The following BRSK1 variants were observed in gnomAD, a reference collection of about 807,000 sequenced individuals.
BRSK1 encodes the protein BR serine/threonine kinase 1, also known as serine/threonine-protein kinase BRSK1.
A neutral mutation model predicts 86.2 loss-of-function variants in BRSK1; 17 were observed. The ratio of observed to expected loss-of-function variants is 0.20; its 90% CI spans 0.14 to 0.30. The LOEUF (loss-of-function observed/expected upper bound fraction) is 0.30. Ranked by LOEUF, BRSK1 falls within the 10% of genes least tolerant of loss-of-function variation. The pLI is 1.00. For missense variants in BRSK1, 719 were observed against 1,071.9 expected, an observed-to-expected ratio of 0.67 and a Z score of 4.60; for synonymous variants, 464 against 440.1, an observed-to-expected ratio of 1.05 and a Z score of -0.68.
intron 17 of BRSK1, among the ~76,000 whole-genome samples, chr19:55,308,081 C>T (rs1192054208): frequency 6.8e-6 from 1 of 147,130 alleles, no homozygotes; most frequent in African/African-American, 2.5e-5. Flanking sequence ...AGTGCAATGG[C>T]GTGATCTGGG....
Position 55,306,199 on chromosome 19 carries a change from G to A in BRSK1, c.1891-53G>A. The stretch of plus-strand genomic sequence containing the variant: ...TTCCTTGGCCAGAGCTGGTCGTGGG[G>A]CTGGGTATCCATTTCCTGGGCTCAC... On this transcript the variant is annotated intron_variant, in intron 16 of 18. Transcript: ENST00000309383. This position sits in a 1 kb window ranked among gnomAD's most constrained non-coding sequence, Gnocchi z 4.7. 1.3e-6 allele frequency: 2 copies of A among 1,587,088 alleles called. No individual in the cohort carries two copies. Among genetic ancestry groups the A allele is most frequent in the South Asian group, 2.2e-5 (2 of 89,942 alleles).
chr19:55,284,297 C>T lies in BRSK1; in HGVS notation c.-146C>T. On this transcript the variant is annotated 5_prime_UTR_variant, in exon 1 of 19. Coordinates refer to ENST00000309383, the MANE Select transcript of BRSK1 (RefSeq NM_032430.2). ...CCGCGGCCCGCCGACTGGGGGGGGCCAGCCCAGCCCCCTGGGGACCCCCGG... is the reference window on the plus strand; with the variant it reads ...CCGCGGCCCGCCGACTGGGGGGGGCTAGCCCAGCCCCCTGGGGACCCCCGG... The T allele has an allele frequency of 1.5e-6, 1 of 658,810 alleles. No homozygotes were observed. Among genetic ancestry groups the T allele is most frequent in the Non-Finnish European group, 2.1e-6 (1 of 467,716 alleles). The allele number at this position is 658,810 out of a possible 1,614,324, so 40.8% of individuals were successfully genotyped here. A position where few individuals can be genotyped will look rare whatever the true frequency, so the allele number is the denominator to read the frequency against.
chr19:55,294,895 G>A lies in BRSK1; in HGVS notation c.678+498G>A, dbSNP rs541903242. 1.3e-4 allele frequency among the ~76,000 whole-genome samples: 20 copies of A among 150,762 alleles called. No homozygotes were observed. The highest frequency in any genetic ancestry group is 3.3e-4 in the Admixed American group (5 of 15,142). On this transcript the variant is annotated intron_variant, in intron 7 of 18. Coordinates refer to ENST00000309383, the MANE Select transcript of BRSK1 (RefSeq NM_032430.2). This position sits in a 1 kb window ranked among gnomAD's most constrained non-coding sequence, Gnocchi z 4.9. ...TGGCTCACTGCAACCTACGCCGCCCGGGTTCAAGCTATTCTCCTGCCTCAG... is the reference window on the plus strand; with the variant it reads ...TGGCTCACTGCAACCTACGCCGCCCAGGTTCAAGCTATTCTCCTGCCTCAG...
chr19:55,293,693 C>G (rs566417119), intron 4 of BRSK1, among the ~76,000 whole-genome samples: 28 of 151,126 alleles, frequency 1.9e-4, no homozygotes, highest in African/African-American at 5.6e-4. Context: ...GCCTGTAGTC[C>G]CAGCTACTCA....
chr19:55,312,093 G>GACCCCCCTCC lies in BRSK1; in HGVS notation c.*34_*43dup. 7.6e-7 allele frequency: 1 copy of GACCCCCCTCC among 1,309,120 alleles called. No homozygotes were observed. The highest frequency in any genetic ancestry group is 1.0e-6 in the Non-Finnish European group (1 of 987,844). The allele number at this position is 1,309,120 out of a possible 1,614,324, so 81.1% of individuals were successfully genotyped here. ...ACCCCACGGGGCCGGGGAGGGAGGG[G>GACCCCCCTCC]ACCCCCCTCCACCCCCCTTCCGTGC... On this transcript the variant is annotated 3_prime_UTR_variant, in exon 19 of 19. Coordinates refer to ENST00000309383, the MANE Select transcript of BRSK1 (RefSeq NM_032430.2).
Position 55,303,973 on chromosome 19 carries a change from G to GT in BRSK1, c.1287-76dup. ...CCTCATTTCCTCACCTGGAAGGACT[G>GT]TAGAAGTGAGGGAACATCTGTGGTT... is the stretch of plus-strand genomic sequence containing the variant. On this transcript the variant is annotated intron_variant, in intron 12 of 18. Coordinates refer to ENST00000309383, the MANE Select transcript of BRSK1 (RefSeq NM_032430.2). The surrounding 1 kb of genome is among the most constrained non-coding windows in gnomAD (Gnocchi z 5.1). The GT allele has an allele frequency of 1.0e-5, 16 of 1,537,756 alleles. No homozygotes were observed. Among genetic ancestry groups the GT allele is most frequent in the Non-Finnish European group, 1.2e-5 (14 of 1,138,948 alleles).
chr19:55,308,710 T>A lies in BRSK1; in HGVS notation c.2161T>A (p.Ser721Thr). Reference protein sequence around the residue: ...AQLLSTHDQPSVQALADEKNG... With the variant: ...AQLLSTHDQPTVQALADEKNG... Reference sequence around the variant, plus strand: ...GCTCCTGAGCACTCATGACCAGCCCTCCGTGCAGGCCCTGGCAGGTGGGTG... The same window carrying A: ...GCTCCTGAGCACTCATGACCAGCCCACCGTGCAGGCCCTGGCAGGTGGGTG... Residue 721 changes from serine (S) to threonine (T), a missense_variant, in exon 18 of 19, where the codon TCC becomes ACC. Physicochemically the swap from Ser to Thr is moderately conservative, Grantham distance 58. Around this residue, in one of 6 missense-constraint regions of BRSK1, gnomAD observed 180 missense variants for 259.4 expected, o/e 0.69. Transcript: ENST00000309383. 1 of 1,580,958 alleles carries A rather than the reference T, an allele frequency of 6.3e-7. No homozygotes were observed. Among genetic ancestry groups the A allele is most frequent in the Non-Finnish European group, 8.6e-7 (1 of 1,163,458 alleles).
intron 18 of BRSK1, 91 bp downstream of exon 18, chr19:55,308,819 G>A (rs1307083598): frequency 3.1e-6 from 1 of 319,376 alleles, no homozygotes; most frequent in Non-Finnish European, 5.7e-6. Context: ...TGGGTGGCGG[G>A]GGGCGTGGGT....
intron 17 of BRSK1, among the ~76,000 whole-genome samples, chr19:55,307,958 GAAAAAA>G (rs2088686296): frequency 6.7e-6 from 1 of 150,236 alleles, no homozygotes; most frequent in Non-Finnish European, 1.5e-5. Context: ...TGTCTCAAAA[GAAAAAA>G]GAAAAAGAAA....
chr19:55,308,505 C>G (rs1428151360), intron 17 of BRSK1, 134 bp from the exon 18 acceptor site: 2 of 691,034 alleles, frequency 2.9e-6, no homozygotes, highest in African/African-American at 1.8e-5. Flanking sequence ...TGATGTGGCC[C>G]CAGCGGAGCA....
rs1276274103 is a variant in BRSK1, at chr19:55,310,398, G to T, written c.2180-1513G>T. On this transcript the variant is annotated intron_variant, in intron 18 of 18. Coordinates refer to ENST00000309383, the MANE Select transcript of BRSK1 (RefSeq NM_032430.2). This position sits in a 1 kb window ranked among gnomAD's most constrained non-coding sequence, Gnocchi z 5.0. The stretch of plus-strand genomic sequence containing the variant: ...GGGAAAAGGTGACTCAGTGGGACCT[G>T]CACAGATACTCCAAGATAATCCCCC... Among the ~76,000 whole-genome samples, 1 of 152,110 alleles carries T rather than the reference G, an allele frequency of 6.6e-6. No homozygotes were observed. The highest frequency in any genetic ancestry group is 2.4e-5 in the African/African-American group (1 of 41,416).
chr19:55,301,395 C>T, intron 7 of BRSK1, 117 bp from the exon 8 acceptor site: 1 of 1,300,890 alleles, frequency 7.7e-7, no homozygotes, highest in Non-Finnish European at 1.0e-6. Flanking sequence ...ATTGCTGAGC[C>T]TCTCTGTGCC....
Position 55,295,853 on chromosome 19 carries a change from C to T in BRSK1, c.678+1456C>T, listed in dbSNP as rs549980942. On this transcript the variant is annotated intron_variant, in intron 7 of 18. Transcript: ENST00000309383. The stretch of plus-strand genomic sequence containing the variant: ...GCTTGGTGGCGCATGCCTGTAGTCC[C>T]AGCTACTCAGGAGGCTGAGGCAGGA... Among the ~76,000 whole-genome samples, 21 of 152,272 alleles carry T rather than the reference C, an allele frequency of 1.4e-4. No individual in the cohort carries two copies. The South Asian group carries it at 2.9e-3, about 21-fold the overall frequency.
In BRSK1 at chr19:55,312,102, C is replaced by T. The variant is rs1052203090; in HGVS notation, c.*34C>T. ...GGCCGGGGAGGGAGGGGACCCCCCT[C>T]CACCCCCCTTCCGTGCCCCCCAACT... On this transcript the variant is annotated 3_prime_UTR_variant, in exon 19 of 19. Coordinates refer to ENST00000309383, the MANE Select transcript of BRSK1 (RefSeq NM_032430.2). 5.6e-6 allele frequency: 6 copies of T among 1,078,600 alleles called. No homozygotes were observed. The highest frequency in any genetic ancestry group is 3.3e-5 in the African/African-American group (2 of 60,246). 66.8% of individuals were successfully genotyped at this position (1,078,600 alleles called of 1,614,324 possible). A position where few individuals can be genotyped will look rare whatever the true frequency, so the allele number is the denominator to read the frequency against.
chr19:55,301,277 C>G (rs934434823), intron 7 of BRSK1, among the ~76,000 whole-genome samples: 1 of 152,200 alleles, frequency 6.6e-6, no homozygotes, highest in Non-Finnish European at 1.5e-5. Context: ...GGAAAGCTGT[C>G]TAAAAGGAAC....
At position 55,303,927 on chromosome 19, in the gene BRSK1, A is replaced by T; in HGVS notation, c.1286+101A>T. 1 of 1,515,146 alleles carries T rather than the reference A, an allele frequency of 6.6e-7. No individual in the cohort carries two copies. The highest frequency in any genetic ancestry group is 8.9e-7 in the Non-Finnish European group (1 of 1,128,030). 93.9% of individuals were successfully genotyped at this position (1,515,146 alleles called of 1,614,324 possible). A position where few individuals can be genotyped will look rare whatever the true frequency, so the allele number is the denominator to read the frequency against. On this transcript the variant is annotated intron_variant, in intron 12 of 18. Transcript: ENST00000309383. The surrounding 1 kb of genome is among the most constrained non-coding windows in gnomAD (Gnocchi z 5.1). ...CTCAAATGTGCTGTGTCCTTGGGAC[A>T]ATTCACCTCCCCTCTCTGGGCCTCA...
Position 55,312,533 on chromosome 19 carries a change from CAAA to C in BRSK1, c.*492_*494del, listed in dbSNP as rs372052269. The C allele has an allele frequency of 1.9e-4, 5 of 25,744 alleles. No individual in the cohort carries two copies. The highest frequency in any genetic ancestry group is 2.5e-4 in the Non-Finnish European group (4 of 16,040). 1.6% of individuals were successfully genotyped at this position (25,744 alleles called of 1,614,324 possible). ...TCCGTGTCTCTGATTCCGCCGGCGG[CAAA>C]AAAAAAAAAAAAAAAAAAAAAAAAA... On this transcript the variant is annotated 3_prime_UTR_variant, in exon 19 of 19. Coordinates refer to ENST00000309383, the MANE Select transcript of BRSK1 (RefSeq NM_032430.2).
Position 55,287,163 on chromosome 19 carries a change from C to A in BRSK1, c.232-51C>A, listed in dbSNP as rs752672529. ...GGGCCTCCGGGGCTGAGGGCAGGGG[C>A]GGGGCCGTGCTGACCTCTTTTCCCG... On this transcript the variant is annotated intron_variant, in intron 2 of 18. Transcript: ENST00000309383. The surrounding 1 kb of genome is among the most constrained non-coding windows in gnomAD (Gnocchi z 5.3). 1.2e-6 allele frequency: 2 copies of A among 1,608,564 alleles called. No homozygotes were observed. Among genetic ancestry groups the A allele is most frequent in the East Asian group, 2.2e-5 (1 of 44,830 alleles).
rs542954873 is a variant in BRSK1 at position 55,292,961 on chromosome 19, CTG to C, written c.459-1053_459-1052del. Among the ~76,000 whole-genome samples the C allele has an allele frequency of 5.3e-5, 8 of 152,008 alleles. No homozygotes were observed. The South Asian group carries it at 1.5e-3, about 28-fold the overall frequency. ...AGGTCAAGGCTGCAGTGAGCTATGA[CTG>C]TGGTACTGCACTCCAGGCCGGGCAA... On this transcript the variant is annotated intron_variant, in intron 4 of 18. Coordinates refer to ENST00000309383, the MANE Select transcript of BRSK1 (RefSeq NM_032430.2).
Sources: allele counts gnomAD v4.1 joint callset (sites outside exome capture counted in the v4.1 genomes callset), GRCh38; gene constraint gnomAD v4.1.1; regional missense constraint gnomAD v4.1.1; non-coding constraint Gnocchi (gnomAD v3.1); transcripts MANE v1.5; gene names NCBI Gene and HGNC (gene_info 2026-07-23, HGNC 2026-07-21).